Variants in PCDHGA7 observed in about 807,000 individuals in gnomAD.
PCDHGA7 encodes protocadherin gamma-A7.
In PCDHGA7, 44 loss-of-function variants were observed where a neutral mutation model predicts 58.3. That is an observed-to-expected ratio of 0.75 (90% CI 0.59 to 0.97). PCDHGA7 has a LOEUF of 0.97. Among genes scored for constraint, PCDHGA7 ranks in the 50% least tolerant of loss-of-function variants. The pLI is 0.00. For synonymous variants in PCDHGA7, 516 were observed against 504.2 expected, an observed-to-expected ratio of 1.02 and a Z score of -0.31; for missense variants, 1,266 against 1,188.7, an observed-to-expected ratio of 1.06 and a Z score of -0.96.
At chr5:141,452,887 C>T (rs1000136303) in intron 1 of PCDHGA7, among the ~76,000 whole-genome samples, 1 of 152,174 alleles carries the variant, frequency 6.6e-6, no homozygotes, top group Non-Finnish European at 1.5e-5. Flanking sequence ...ATAATTTATT[C>T]CACTTTTATT....
Position 141,489,902 on chromosome 5 carries a change from C to A in PCDHGA7, c.2425-4905C>A. ...ACTGCTGTGGATGGGGGGACCCCAGCCCGCTCAGGGACCACCCTTATCTCT... is the reference window on the plus strand; with the variant it reads ...ACTGCTGTGGATGGGGGGACCCCAGACCGCTCAGGGACCACCCTTATCTCT... On this transcript the variant is annotated intron_variant, in intron 1 of 3. Transcript: ENST00000518325. The surrounding 1 kb of genome is among the most constrained non-coding windows in gnomAD (Gnocchi z 4.5). 1 of 1,614,218 alleles carries A rather than the reference C, an allele frequency of 6.2e-7. No individual in the cohort carries two copies. The highest frequency in any genetic ancestry group is 8.5e-7 in the Non-Finnish European group (1 of 1,180,032).
intron 1 of PCDHGA7, among the ~76,000 whole-genome samples, chr5:141,474,000 C>T (rs2099336161): frequency 6.6e-6 from 1 of 152,076 alleles, no homozygotes. Context: ...GCCCAAGGAG[C>T]TGGAAGTTAC....
chr5:141,432,706 C>T lies in PCDHGA7; in HGVS notation c.2424+47383C>T, dbSNP rs761752571. ...GCCTCGTAGTGGCCGTCCAGGACCA[C>T]GGCCAGCCCCCTCTCTCCGCCACTG... On this transcript the variant is annotated intron_variant, in intron 1 of 3. Transcript: ENST00000518325. The surrounding 1 kb of genome is among the most constrained non-coding windows in gnomAD (Gnocchi z 6.0). 10 of 1,613,870 alleles carry T rather than the reference C, an allele frequency of 6.2e-6. No homozygotes were observed. The East Asian group carries it at 1.1e-4, about 18-fold the overall frequency.
chr5:141,428,354 T>G, intron 1 of PCDHGA7: 1 of 572,018 alleles, frequency 1.7e-6, no homozygotes. Context: ...GCAGTGATTT[T>G]GGCGGTCGCC....
chr5:141,396,347 G>A (rs765584625), intron 1 of PCDHGA7: 21 of 152,416 alleles, frequency 1.4e-4, no homozygotes, highest in Non-Finnish European at 2.5e-4. Context: ...GGCCGGGTGC[G>A]GTGGCTCACG....
intron 3 of PCDHGA7, among the ~76,000 whole-genome samples, chr5:141,509,362 G>C (rs2099876497): frequency 6.6e-6 from 1 of 152,152 alleles, no homozygotes; most frequent in Non-Finnish European, 1.5e-5. Flanking sequence ...GCATCCCTGA[G>C]GTTTTAACTG....
At chr5:141,505,767 AGGTCCTAGCTCT>A (rs2099848180) in intron 3 of PCDHGA7, among the ~76,000 whole-genome samples, 1 of 151,756 alleles carries the variant, frequency 6.6e-6, no homozygotes, top group Non-Finnish European at 1.5e-5. Context: ...AGTGTAGCTC[AGGTCCTAGCTCT>A]GCTACTATCC....
chr5:141,394,458 A>T, intron 1 of PCDHGA7: 1 of 1,614,218 alleles, frequency 6.2e-7, no homozygotes, highest in Non-Finnish European at 8.5e-7. Context: ...CATGTCACTG[A>T]GCCTGTTCGT....
intron 1 of PCDHGA7, chr5:141,399,397 G>C: frequency 1.2e-6 from 2 of 1,613,940 alleles, no homozygotes; most frequent in Non-Finnish European, 8.5e-7. Context: ...CACAGACAGG[G>C]GCAAGCCGCC....
rs1023591745 is a variant in PCDHGA7 at position 141,432,912 on chromosome 5, G to T, written c.2424+47589G>T. 2.5e-6 allele frequency: 4 copies of T among 1,614,160 alleles called. No individual in the cohort carries two copies. Among genetic ancestry groups the T allele is most frequent in the Non-Finnish European group, 3.4e-6 (4 of 1,180,012 alleles). On this transcript the variant is annotated intron_variant, in intron 1 of 3. Transcript: ENST00000518325. The surrounding 1 kb of genome is among the most constrained non-coding windows in gnomAD (Gnocchi z 6.0). Reference sequence around the variant, plus strand: ...TTGCTGCTGGCGCTCAGGCTGCGGCGCTGGCACAAGTCACGCCTGCTGCAG... The same window carrying T: ...TTGCTGCTGGCGCTCAGGCTGCGGCTCTGGCACAAGTCACGCCTGCTGCAG...
chr5:141,400,254 G>C, intron 1 of PCDHGA7: 1 of 1,613,980 alleles, frequency 6.2e-7, no homozygotes. Flanking sequence ...CCGTTGCCTT[G>C]CGCCTGCGAC....
intron 1 of PCDHGA7, among the ~76,000 whole-genome samples, chr5:141,449,199 A>T (rs927587807): frequency 3.3e-5 from 5 of 152,190 alleles, no homozygotes; most frequent in Admixed American, 2.6e-4. Flanking sequence ...AGAAGTGTTA[A>T]TTCTAACTTT....
Position 141,491,329 on chromosome 5 carries a change from G to A in PCDHGA7, c.2425-3478G>A. The A allele has an allele frequency of 6.2e-7, 1 of 1,614,142 alleles. No individual in the cohort carries two copies. Among genetic ancestry groups the A allele is most frequent in the Non-Finnish European group, 8.5e-7 (1 of 1,180,022 alleles). On this transcript the variant is annotated intron_variant, in intron 1 of 3. Coordinates refer to ENST00000518325, the MANE Select transcript of PCDHGA7 (RefSeq NM_018920.4). The surrounding 1 kb of genome is among the most constrained non-coding windows in gnomAD (Gnocchi z 6.9). ...AGACCTTACCCTTTACCTCATTGTG[G>A]CTCTAGCGACCGTCAGTCTCTTATC...
chr5:141,422,535 A>T lies in PCDHGA7; in HGVS notation c.2424+37212A>T, dbSNP rs760963618. On this transcript the variant is annotated intron_variant, in intron 1 of 3. Transcript: ENST00000518325. ...AGGGAAGCCCGCCTTTGTCTGCAGA[A>T]ACTCATGTCTGGCTGAATGTGGCAG... 20 of 1,613,826 alleles carry T rather than the reference A, an allele frequency of 1.2e-5. 1 individual carries two copies. Among genetic ancestry groups the T allele is most frequent in the Non-Finnish European group, 8.5e-7 (1 of 1,179,882 alleles).
At chr5:141,393,937 ACT>A in intron 1 of PCDHGA7, 3 of 1,613,906 alleles carry the variant, frequency 1.9e-6, no homozygotes, top group Non-Finnish European at 2.5e-6. Flanking sequence ...CATGACCAAG[ACT>A]CTGGAAAGAA....
chr5:141,472,980 C>CAAAAAAAAAAAAAAA (rs60579131), intron 1 of PCDHGA7, among the ~76,000 whole-genome samples: 13 of 86,076 alleles, frequency 1.5e-4, no homozygotes, highest in African/African-American at 1.9e-4. Context: ...GAGTGAAACT[C>CAAAAAAAAAAAAAAA]AAAAAAAAAA....
At position 141,510,984 on chromosome 5, in the gene PCDHGA7, C is replaced by T. The variant is rs375865663; in HGVS notation, c.2610C>T (p.Ala870=). The change falls in exon 4 of 4, where the codon GCC becomes GCT. Residue 870 remains alanine (A), a synonymous_variant. Coordinates refer to ENST00000518325, the MANE Select transcript of PCDHGA7 (RefSeq NM_018920.4). ...GGAGCTCCACCCTGGGAGGGGGTGC[C>T]GGCACCATGGGATTGAGCGCCCGCT... The part of the protein sequence containing the change: ...ADGSSTLGGG[A]GTMGLSARYG... 20 of 1,614,044 alleles carry T rather than the reference C, an allele frequency of 1.2e-5. No homozygotes were observed. The East Asian group carries it at 1.6e-4, about 13-fold the overall frequency.
At position 141,477,763 on chromosome 5, in the gene PCDHGA7, C is replaced by A. The variant is rs763322593; in HGVS notation, c.2425-17044C>A. On this transcript the variant is annotated intron_variant, in intron 1 of 3. Coordinates refer to ENST00000518325, the MANE Select transcript of PCDHGA7 (RefSeq NM_018920.4). The surrounding 1 kb of genome is among the most constrained non-coding windows in gnomAD (Gnocchi z 4.9). ...ATGGGGGCACCCCGGTCCTAGCCAC[C>A]AACATCAGCGTGAACATATTTGTCA... 5.0e-6 allele frequency: 8 copies of A among 1,613,894 alleles called. No homozygotes were observed. The East Asian group carries it at 1.6e-4, about 31-fold the overall frequency.
At chr5:141,438,249 A>G (rs1166079222) in intron 1 of PCDHGA7, among the ~76,000 whole-genome samples, 2 of 152,168 alleles carry the variant, frequency 1.3e-5, no homozygotes, top group Non-Finnish European at 2.9e-5. Context: ...AAAAACTGTC[A>G]TTGAAGAGAC....
Sources: allele counts gnomAD v4.1 joint callset (sites outside exome capture counted in the v4.1 genomes callset), GRCh38; gene constraint gnomAD v4.1.1; non-coding constraint Gnocchi (gnomAD v3.1); transcripts MANE v1.5; gene names NCBI Gene and HGNC (gene_info 2026-07-23, HGNC 2026-07-21).